The following CHRM2 variants were observed in gnomAD, a reference collection of about 807,000 sequenced individuals.
The protein encoded by CHRM2 is muscarinic acetylcholine receptor M2.
Under a neutral mutation model 25.0 loss-of-function variants are expected in CHRM2, and 8 were observed. That is an observed-to-expected ratio of 0.32 (90% CI 0.19 to 0.58). CHRM2 has a LOEUF of 0.58. CHRM2 is among the 20% of genes least tolerant of loss of function. The pLI is 0.88. For missense variants in CHRM2, 440 were observed against 567.1 expected, an observed-to-expected ratio of 0.78 and a Z score of 2.28; for synonymous variants, 202 against 205.7, an observed-to-expected ratio of 0.98 and a Z score of 0.15.
intron 2 of CHRM2, among the ~76,000 whole-genome samples, chr7:136,966,056 C>A (rs931571616): frequency 9.9e-5 from 15 of 151,818 alleles, no homozygotes; most frequent in African/African-American, 3.6e-4. Context: ...TTTTCTTCTA[C>A]ATTTTTCTAT....
intron 2 of CHRM2, among the ~76,000 whole-genome samples, chr7:136,924,458 G>A (rs140196090): frequency 0.023 from 3,442 of 149,604 alleles, 126 homozygotes; most frequent in African/African-American, 0.081. Context: ...GAGAACATGC[G>A]TTGTTTGGTT....
chr7:137,019,241 C>T lies in CHRM2; in HGVS notation c.*2975C>T, dbSNP rs1231654477. On this transcript the variant is annotated 3_prime_UTR_variant, in exon 4 of 4. Coordinates refer to ENST00000680005, the MANE Select transcript of CHRM2 (RefSeq NM_001006630.2). ...TCACCTGTTAGAAAAAGGTAATACT[C>T]ACCAACCATGTATCAGAAAAACTTT... The T allele has an allele frequency of 6.6e-6, 1 of 151,866 alleles. No individual in the cohort carries two copies. Among genetic ancestry groups the T allele is most frequent in the African/African-American group, 2.4e-5 (1 of 41,406 alleles). The allele number at this position is 151,866 out of a possible 1,614,324, so 9.4% of individuals were successfully genotyped here. A position where few individuals can be genotyped will look rare whatever the true frequency, so the allele number is the denominator to read the frequency against.
intron 2 of CHRM2, among the ~76,000 whole-genome samples, chr7:136,939,728 T>C (rs1290331872): frequency 6.6e-6 from 1 of 152,120 alleles, no homozygotes; most frequent in Admixed American, 6.5e-5. Flanking sequence ...TAAGGAAAAG[T>C]CACAAAGCTA....
intron 2 of CHRM2, chr7:136,899,582 G>GTAA (rs1797088238): frequency 6.6e-6 from 1 of 152,062 alleles, no homozygotes; most frequent in African/African-American, 2.4e-5. Flanking sequence ...CAGAAAATAT[G>GTAA]TAATTCAATC....
intron 2 of CHRM2, among the ~76,000 whole-genome samples, chr7:136,959,691 C>G (rs931023078): frequency 8.5e-5 from 13 of 152,158 alleles, no homozygotes; most frequent in Admixed American, 3.9e-4. Context: ...GGCAGCAGAT[C>G]ACCTGAGGTC....
At chr7:136,931,328 A>G (rs531956640) in intron 2 of CHRM2, among the ~76,000 whole-genome samples, 4 of 152,318 alleles carry the variant, frequency 2.6e-5, no homozygotes, top group African/African-American at 9.6e-5. Flanking sequence ...AAACCCAGGG[A>G]GAGATAATGC....
At chr7:136,885,900 G>A (rs545540569) in intron 2 of CHRM2, among the ~76,000 whole-genome samples, 21 of 152,190 alleles carry the variant, frequency 1.4e-4, no homozygotes, top group African/African-American at 4.1e-4. Flanking sequence ...CCAACACATA[G>A]GAATGGAACA....
At chr7:136,896,236 A>T (rs1404966749) in intron 2 of CHRM2, among the ~76,000 whole-genome samples, 3 of 152,182 alleles carry the variant, frequency 2.0e-5, no homozygotes, top group Non-Finnish European at 4.4e-5. Context: ...AAAATCTTTG[A>T]GATGAAGTTC....
intron 2 of CHRM2, among the ~76,000 whole-genome samples, chr7:136,918,379 T>C (rs928941282): frequency 4.6e-5 from 7 of 152,070 alleles, no homozygotes; most frequent in African/African-American, 1.4e-4. Context: ...GTTTCATCTT[T>C]TCATAATAAA....
rs1795749823 is a variant in CHRM2, at chr7:136,869,919, G to C, written c.-125+501G>C. The stretch of plus-strand genomic sequence containing the variant: ...TGGGATGGAGGCCCGGCTCGCTCGG[G>C]CTCCGAGCTGTCCCCCGGCTCCGCT... On this transcript the variant is annotated intron_variant, in intron 2 of 3. Transcript: ENST00000680005. This position sits in a 1 kb window ranked among gnomAD's most constrained non-coding sequence, Gnocchi z 4.9. 1 of 152,444 alleles carries C rather than the reference G, an allele frequency of 6.6e-6. No homozygotes were observed. The highest frequency in any genetic ancestry group is 2.4e-5 in the African/African-American group (1 of 41,484). The allele number at this position is 152,444 out of a possible 1,614,324, so 9.4% of individuals were successfully genotyped here. A position where few individuals can be genotyped will look rare whatever the true frequency, so the allele number is the denominator to read the frequency against.
At chr7:137,001,789 G>C (rs1016960909) in intron 3 of CHRM2, among the ~76,000 whole-genome samples, 1 of 152,148 alleles carries the variant, frequency 6.6e-6, no homozygotes, top group Non-Finnish European at 1.5e-5. Context: ...TGTCTCATCT[G>C]TGGAATAATA....
rs1228867584 is a variant in CHRM2 at position 136,938,472 on chromosome 7, G to A, written c.-124-53715G>A. The A allele has an allele frequency of 8.8e-6, 10 of 1,130,396 alleles. No homozygotes were observed. The East Asian group carries it at 1.2e-4, about 13-fold the overall frequency. The allele number at this position is 1,130,396 out of a possible 1,614,324, so 70.0% of individuals were successfully genotyped here. Reference sequence around the variant, plus strand: ...TCTGCTCCTTCCCCTGGATGCGCACGGCCTGGATGTTGGGGTTCACCTCTA... The same window carrying A: ...TCTGCTCCTTCCCCTGGATGCGCACAGCCTGGATGTTGGGGTTCACCTCTA... On this transcript the variant is annotated intron_variant, in intron 2 of 3. Transcript: ENST00000680005.
intron 2 of CHRM2, among the ~76,000 whole-genome samples, chr7:136,881,997 C>T (rs552761934): frequency 1.3e-5 from 2 of 152,074 alleles, no homozygotes; most frequent in Admixed American, 1.3e-4. Flanking sequence ...AATGAAACAC[C>T]ATAAATCTTT....
chr7:137,015,778 G>A lies in CHRM2; in HGVS notation c.913G>A (p.Glu305Lys), dbSNP rs1805138436. ...GAGAGATGATGAAATAACCCAGGAT[G>A]AAAACACAGTTTCCACTTCCCTGGG... ...NMRDDEITQDENTVSTSLGHS... is the reference protein window; with the variant it reads ...NMRDDEITQDKNTVSTSLGHS... Residue 305 changes from glutamate (E) to lysine (K), a missense_variant, in exon 4 of 4, where the codon GAA becomes AAA. Around this residue, in one of 5 missense-constraint regions of CHRM2, gnomAD observed 261 missense variants for 261.8 expected, o/e 1.00. Transcript: ENST00000680005. The surrounding 1 kb of genome is among the most constrained non-coding windows in gnomAD (Gnocchi z 5.1). 1 of 1,612,996 alleles carries A rather than the reference G, an allele frequency of 6.2e-7. No individual in the cohort carries two copies. The highest frequency in any genetic ancestry group is 8.5e-7 in the Non-Finnish European group (1 of 1,179,514).
chr7:136,952,402 T>C lies in CHRM2; in HGVS notation c.-124-39785T>C, dbSNP rs73158755. 5.0e-3 allele frequency among the ~76,000 whole-genome samples: 754 copies of C among 152,262 alleles called. 6 individuals are homozygous for C. The highest frequency in any genetic ancestry group is 7.3e-3 in the Non-Finnish European group (498 of 68,026). On this transcript the variant is annotated intron_variant, in intron 2 of 3. Transcript: ENST00000680005. The stretch of plus-strand genomic sequence containing the variant: ...CTTATTTAAAGCGTATCGAAGATCT[T>C]ATTATCCAGCTCTGTCAATTCACAA...
At chr7:137,007,468 G>T (rs1804521852) in intron 3 of CHRM2, among the ~76,000 whole-genome samples, 1 of 152,014 alleles carries the variant, frequency 6.6e-6, no homozygotes, top group Non-Finnish European at 1.5e-5. Context: ...ACTCCTTGCG[G>T]CCACCACCCC....
chr7:136,948,281 T>C (rs1312861513), intron 2 of CHRM2, among the ~76,000 whole-genome samples: 1 of 152,166 alleles, frequency 6.6e-6, no homozygotes, highest in Non-Finnish European at 1.5e-5. Flanking sequence ...GGGGTCTTTC[T>C]ACGGTGGTTG....
At position 137,018,939 on chromosome 7, in the gene CHRM2, G is replaced by A. The variant is rs1031198682; in HGVS notation, c.*2673G>A. 7 of 151,848 alleles carry A rather than the reference G, an allele frequency of 4.6e-5. No individual in the cohort carries two copies. The highest frequency in any genetic ancestry group is 1.9e-4 in the East Asian group (1 of 5,140). 9.4% of individuals were successfully genotyped at this position (151,848 alleles called of 1,614,324 possible). A position where few individuals can be genotyped will look rare whatever the true frequency, so the allele number is the denominator to read the frequency against. ...AAACAGAGACAATTCCCCTCTCCCC[G>A]AAAGGGGACACTTAGCAATGTGTAA... On this transcript the variant is annotated 3_prime_UTR_variant, in exon 4 of 4. Transcript: ENST00000680005.
At chr7:136,875,618 G>C (rs1796023178) in intron 2 of CHRM2, among the ~76,000 whole-genome samples, 1 of 152,106 alleles carries the variant, frequency 6.6e-6, no homozygotes, top group Admixed American at 6.6e-5. Flanking sequence ...CACATTGCCA[G>C]AGTGACCTTT....
Sources: gnomAD v4.1 joint callset for allele counts (sites outside exome capture counted in the v4.1 genomes callset) on GRCh38, gnomAD v4.1.1 for gene constraint, gnomAD v4.1.1 regional missense constraint, Gnocchi (gnomAD v3.1) non-coding constraint, MANE v1.5 for transcripts, NCBI Gene and HGNC (gene_info 2026-07-23, HGNC 2026-07-21) for gene names.